Variants in NCEH1 observed in about 807,000 individuals in gnomAD.
The protein encoded by NCEH1 is 2-acetyl MAGE hydrolase.
NCEH1 carries 9 observed loss-of-function variants against 25.4 expected under a neutral mutation model. The ratio of observed to expected loss-of-function variants is 0.35; its 90% CI spans 0.21 to 0.62. The LOEUF (loss-of-function observed/expected upper bound fraction) is 0.62. NCEH1 is among the 20% of genes least tolerant of loss of function. The pLI is 0.72. For synonymous variants in NCEH1, 200 were observed against 199.8 expected (o/e 1.00, Z -0.01); for missense variants, 412 against 501.1 (o/e 0.82, Z 1.70).
chr3:172,656,460 G>A (rs1429713791), intron 1 of NCEH1, among the ~76,000 whole-genome samples: 1 of 152,120 alleles, frequency 6.6e-6, no homozygotes, highest in Non-Finnish European at 1.5e-5. Context: ...TTCTGTCTTT[G>A]TCCTAAAGAA....
At position 172,634,026 on chromosome 3, in the gene NCEH1, C is replaced by T; in HGVS notation, c.676G>A (p.Ala226Thr). Residue 226 changes from alanine (A) to threonine (T), a missense_variant, in exon 5 of 5, where the codon GCT (alanine) becomes ACT (threonine). This residue lies in a region of NCEH1 where 210 missense variants were observed against 258.2 expected (regional missense o/e 0.81). Coordinates refer to ENST00000475381, the MANE Select transcript of NCEH1 (RefSeq NM_020792.6). ...TAAGATGGTGTGTTAAAATCTAAAG[C>T]TTGAAGAACTGGATAAATTAAAGCT... The part of the protein sequence containing the change: ...LQALIYPVLQ[A>T]LDFNTPSYQQ... 1.2e-6 allele frequency: 2 copies of T among 1,614,142 alleles called. No homozygotes were observed. The highest frequency in any genetic ancestry group is 2.2e-5 in the East Asian group (1 of 44,888).
intron 1 of NCEH1, among the ~76,000 whole-genome samples, chr3:172,667,817 T>C (rs1718295866): frequency 6.6e-6 from 1 of 152,200 alleles, no homozygotes; most frequent in African/African-American, 2.4e-5. Context: ...TCATTTTCTT[T>C]TATACAAGGG....
chr3:172,633,705 C>G lies in NCEH1; in HGVS notation c.997G>C (p.Val333Leu). Reference protein sequence around the residue: ...RSAPLIADQAVLQLLPKTYIL... With the variant: ...RSAPLIADQALLQLLPKTYIL... ...TAGGTCTTTGGGAGGAGCTGCAGCA[C>G]TGCCTGGTCTGCAATGAGTGGGGCG... The change falls in exon 5 of 5, where the codon GTG becomes CTG. Residue 333 changes from valine (V) to leucine (L), a missense_variant. Transcript: ENST00000475381. The G allele has an allele frequency of 6.2e-7, 1 of 1,614,228 alleles. No homozygotes were observed. Among genetic ancestry groups the G allele is most frequent in the Non-Finnish European group, 8.5e-7 (1 of 1,180,046 alleles).
At chr3:172,672,394 A>G (rs1168550671) in intron 1 of NCEH1, among the ~76,000 whole-genome samples, 1 of 152,156 alleles carries the variant, frequency 6.6e-6, no homozygotes, top group Admixed American at 6.6e-5. Context: ...GCGTTTTAGA[A>G]GGCCTATGGA....
At chr3:172,653,752 G>GTTTTTTTTTTTTTTTTTTTTTTTTTTT (rs375874414) in intron 1 of NCEH1, among the ~76,000 whole-genome samples, 1 of 83,840 alleles carries the variant, frequency 1.2e-5, no homozygotes, top group African/African-American at 4.2e-5. Context: ...TTGTTTTTTT[G>GTTTTTTTTTTTTTTTTTTTTTTTTTTT]TTTTTTTGTT....
In NCEH1 at chr3:172,695,551, T is replaced by G. The variant is rs563506549; in HGVS notation, c.138+15296A>C. On this transcript the variant is annotated intron_variant, in intron 1 of 4. Transcript: ENST00000475381. ...TTGGGCAGATATTTAATTAACCTCT[T>G]TGTGCCTCAATTTCCTCATTTATAA... Among the ~76,000 whole-genome samples the G allele has an allele frequency of 5.3e-5, 8 of 152,294 alleles. No homozygotes were observed. The South Asian group carries it at 1.7e-3, about 32-fold the overall frequency.
chr3:172,649,257 C>T (rs894329263), intron 1 of NCEH1, among the ~76,000 whole-genome samples: 1 of 151,858 alleles, frequency 6.6e-6, no homozygotes, highest in Non-Finnish European at 1.5e-5. Context: ...TACACACACA[C>T]ATATATATAT....
chr3:172,691,946 CAAAAAA>C (rs61592238), intron 1 of NCEH1, among the ~76,000 whole-genome samples: 109 of 80,010 alleles, frequency 1.4e-3, no homozygotes, highest in African/African-American at 4.3e-3. Context: ...GACTCCGTCT[CAAAAAA>C]AAAAAAAAAA....
At position 172,633,343 on chromosome 3, in the gene NCEH1, T is replaced by C; in HGVS notation, c.*132A>G. The C allele has an allele frequency of 1.2e-6, 1 of 865,608 alleles. No homozygotes were observed. The highest frequency in any genetic ancestry group is 1.7e-5 in the South Asian group (1 of 57,254). The allele number at this position is 865,608 out of a possible 1,614,324, so 53.6% of individuals were successfully genotyped here. ...TAGGTTATCATAAAGACTTCAGTTA[T>C]GGAATAGAAATTCCATAACTCGCAA... On this transcript the variant is annotated 3_prime_UTR_variant, in exon 5 of 5. Transcript: ENST00000475381.
chr3:172,645,724 A>G, intron 2 of NCEH1, 32 bp from the exon 3 acceptor site: 8 of 1,414,724 alleles, frequency 5.7e-6, no homozygotes, highest in Non-Finnish European at 7.9e-6. Flanking sequence ...ATCATTACAA[A>G]ACAGGTCATT....
chr3:172,701,815 T>C (rs1351984443), intron 1 of NCEH1, among the ~76,000 whole-genome samples: 1 of 152,088 alleles, frequency 6.6e-6, no homozygotes, highest in African/African-American at 2.4e-5. Context: ...AGAAGGACTA[T>C]TCTAAAACAC....
At position 172,632,431 on chromosome 3, in the gene NCEH1, T is replaced by G. The variant is rs2108485269; in HGVS notation, c.*1044A>C. On this transcript the variant is annotated 3_prime_UTR_variant, in exon 5 of 5. Coordinates refer to ENST00000475381, the MANE Select transcript of NCEH1 (RefSeq NM_020792.6). The stretch of plus-strand genomic sequence containing the variant: ...CTATGTATATTAACATTAAATAACT[T>G]AAAAAAATAAACAATACATTATATT... 6.6e-6 allele frequency: 1 copy of G among 152,544 alleles called. No homozygotes were observed. The highest frequency in any genetic ancestry group is 2.1e-4 in the South Asian group (1 of 4,818). The allele number at this position is 152,544 out of a possible 1,614,324, so 9.4% of individuals were successfully genotyped here.
chr3:172,632,896 C>G lies in NCEH1; in HGVS notation c.*579G>C, dbSNP rs1716425580. On this transcript the variant is annotated 3_prime_UTR_variant, in exon 5 of 5. Coordinates refer to ENST00000475381, the MANE Select transcript of NCEH1 (RefSeq NM_020792.6). ...ATAGCGATCTCATAAAATGAACATTCTAGAGGAAGAAAGTCCTTTGAGAAA... is the reference window on the plus strand; with the variant it reads ...ATAGCGATCTCATAAAATGAACATTGTAGAGGAAGAAAGTCCTTTGAGAAA... 6.5e-6 allele frequency: 1 copy of G among 152,778 alleles called. No homozygotes were observed. The highest frequency in any genetic ancestry group is 6.5e-5 in the Admixed American group (1 of 15,288). The allele number at this position is 152,778 out of a possible 1,614,324, so 9.5% of individuals were successfully genotyped here.
intron 4 of NCEH1, among the ~76,000 whole-genome samples, chr3:172,634,612 G>A (rs928664964): frequency 6.6e-6 from 1 of 152,082 alleles, no homozygotes; most frequent in African/African-American, 2.4e-5. Flanking sequence ...AAATAGTTCT[G>A]GCAATGCACC....
chr3:172,633,085 T>A lies in NCEH1; in HGVS notation c.*390A>T, dbSNP rs1716436754. The A allele has an allele frequency of 5.1e-6, 1 of 194,980 alleles. No homozygotes were observed. The highest frequency in any genetic ancestry group is 1.1e-4 in the South Asian group (1 of 9,452). 12.1% of individuals were successfully genotyped at this position (194,980 alleles called of 1,614,324 possible). On this transcript the variant is annotated 3_prime_UTR_variant, in exon 5 of 5. Transcript: ENST00000475381. ...CTCTAGCAGAATTAAGGAGTCCTCG[T>A]TTTTTTAACTTATTAAAGGTCACTC...
chr3:172,638,359 T>A lies in NCEH1; in HGVS notation c.438-2272A>T, dbSNP rs1175142187. On this transcript the variant is annotated intron_variant, in intron 3 of 4. Transcript: ENST00000475381. ...TAAAATAAATTTTCTAATTTCTTAT[T>A]TTTCCATCTGGGGTGGTCAATTAAT... Among the ~76,000 whole-genome samples the A allele has an allele frequency of 2.6e-5, 4 of 151,792 alleles. No individual in the cohort carries two copies. The East Asian group carries it at 7.7e-4, about 29-fold the overall frequency.
At chr3:172,671,892 G>A (rs922759417) in intron 1 of NCEH1, among the ~76,000 whole-genome samples, 4 of 152,316 alleles carry the variant, frequency 2.6e-5, no homozygotes, top group Middle Eastern at 3.4e-3. Context: ...TGGCATTGTT[G>A]TCATTGTGAC....
In NCEH1 at chr3:172,639,296, C is replaced by CAAA. The variant is rs534734447; in HGVS notation, c.438-3212_438-3210dup. ...CTGGTGACAGAGTGAGGCTCCGTCT[C>CAAA]AAAAAAAAAAAAAAAAAATGGAGAC... On this transcript the variant is annotated intron_variant, in intron 3 of 4. Transcript: ENST00000475381. Among the ~76,000 whole-genome samples, 642 of 95,192 alleles carry CAAA rather than the reference C, an allele frequency of 6.7e-3. 11 individuals carry two copies. Among genetic ancestry groups the CAAA allele is most frequent in the African/African-American group, 0.022 (600 of 27,142 alleles). The allele number at this position is 95,192 out of a possible 152,430, so 62.4% of individuals were successfully genotyped here.
chr3:172,656,768 A>T (rs548700654), intron 1 of NCEH1, among the ~76,000 whole-genome samples: 1 of 152,238 alleles, frequency 6.6e-6, no homozygotes, highest in Admixed American at 6.5e-5. Flanking sequence ...TCCGGCCAAA[A>T]AAAAAGACAG....
Sources: allele counts gnomAD v4.1 joint callset (sites outside exome capture counted in the v4.1 genomes callset), GRCh38; gene constraint gnomAD v4.1.1; regional missense constraint gnomAD v4.1.1; transcripts MANE v1.5; gene names NCBI Gene and HGNC (gene_info 2026-07-23, HGNC 2026-07-21).